Variants in NECAB2 observed in about 807,000 individuals in gnomAD.
NECAB2 encodes the protein N-terminal EF-hand calcium binding protein 2, also known as N-terminal EF-hand calcium-binding protein 2.
Under a neutral mutation model 51.9 loss-of-function variants are expected in NECAB2, and 68 were observed. The observed-to-expected ratio is 1.31, with a 90% CI of 1.08 to 1.60. The LOEUF (loss-of-function observed/expected upper bound fraction) is 1.60. Among genes scored for constraint, NECAB2 ranks in the 40% most tolerant of loss-of-function variants. The probability of loss-of-function intolerance (pLI) is 0.00; values close to 1 mark genes in which losing one functional copy is unlikely to be tolerated. For synonymous variants in NECAB2, 329 were observed against 203.5 expected (o/e 1.62, Z -5.25); for missense variants, 854 against 490.3 (o/e 1.74, Z -7.00).
At chr16:83,965,648 C>T (rs200403572), upstream of NECAB2, 49 of 1,613,258 alleles carry the variant, frequency 3.0e-5, no homozygotes, top group African/African-American at 6.7e-5. Flanking sequence ...TGAGGGTTAC[C>T]GCAGCCTCCC....
intron 1 of NECAB2, among the ~76,000 whole-genome samples, chr16:83,970,067 A>C (rs745965442): frequency 1.6e-4 from 25 of 152,170 alleles, no homozygotes; most frequent in African/African-American, 6.0e-4. Flanking sequence ...TCCCCTCCTC[A>C]GGACCCCCGC....
chr16:83,987,321 C>G (rs757129237), intron 5 of NECAB2, among the ~76,000 whole-genome samples: 7 of 152,292 alleles, frequency 4.6e-5, no homozygotes, highest in East Asian at 1.9e-4. Flanking sequence ...TAGCTAATTT[C>G]TCATACTAAA....
chr16:83,988,127 G>A (rs868564670), intron 5 of NECAB2, among the ~76,000 whole-genome samples: 5 of 152,176 alleles, frequency 3.3e-5, no homozygotes, highest in South Asian at 2.1e-4. Flanking sequence ...GTTTAGGTGC[G>A]CTTCTGATGG....
chr16:83,998,787 C>T (rs1027390478), intron 10 of NECAB2, among the ~76,000 whole-genome samples: 16 of 137,556 alleles, frequency 1.2e-4, no homozygotes, highest in African/African-American at 4.9e-4. Context: ...ATGCCCAAGT[C>T]ATGTAGTTGC....
intron 5 of NECAB2, among the ~76,000 whole-genome samples, chr16:83,984,711 C>G (rs1467163527): frequency 1.3e-5 from 2 of 152,078 alleles, no homozygotes; most frequent in Admixed American, 6.5e-5. Flanking sequence ...ACCTGGGTGA[C>G]AAGAGAAACC....
chr16:83,996,537 C>T (rs1597223590), intron 8 of NECAB2, among the ~76,000 whole-genome samples: 1 of 152,096 alleles, frequency 6.6e-6, no homozygotes, highest in African/African-American at 2.4e-5. Flanking sequence ...CAGAGATAGC[C>T]ACAGAGGTGG....
At chr16:83,978,617 T>C in intron 3 of NECAB2, 65 bp downstream of exon 3, 1 of 1,372,718 alleles carries the variant, frequency 7.3e-7, no homozygotes, top group Non-Finnish European at 1.0e-6. Flanking sequence ...CATCTTTTCA[T>C]CTAGTGTCCG....
intron 1 of NECAB2, 117 bp downstream of exon 1, chr16:83,968,966 A>T (rs2084319839): frequency 1.7e-6 from 1 of 586,182 alleles, no homozygotes; most frequent in African/African-American, 2.0e-5. Flanking sequence ...CCCGGGCAGG[A>T]GACCCCCGGC....
chr16:83,993,455 G>A (rs909348417), intron 6 of NECAB2: 1 of 154,154 alleles, frequency 6.5e-6, no homozygotes, highest in South Asian at 2.0e-4. Context: ...GAGACCAAGC[G>A]GGTGTTGGGG....
rs975200233 is a variant in NECAB2, at chr16:84,002,623, A to C, written c.*277A>C. On this transcript the variant is annotated 3_prime_UTR_variant, in exon 13 of 13. Coordinates refer to ENST00000305202, the MANE Select transcript of NECAB2 (RefSeq NM_019065.3). Reference sequence around the variant, plus strand: ...GCCTCCTGGTCCTGGCCTCTCCCCTACCCCTCACATGGCCACGCATGACCC... The same window carrying C: ...GCCTCCTGGTCCTGGCCTCTCCCCTCCCCCTCACATGGCCACGCATGACCC... 34 of 542,142 alleles carry C rather than the reference A, an allele frequency of 6.3e-5. No homozygotes were observed. The highest frequency in any genetic ancestry group is 1.2e-4 in the Admixed American group (4 of 32,042). 33.6% of individuals were successfully genotyped at this position (542,142 alleles called of 1,614,324 possible).
chr16:83,996,351 C>A (rs1597223198), intron 8 of NECAB2, among the ~76,000 whole-genome samples: 1 of 152,238 alleles, frequency 6.6e-6, no homozygotes, highest in Admixed American at 6.5e-5. Context: ...GGATCAGCTA[C>A]TACAGAGCCC....
intron 3 of NECAB2, among the ~76,000 whole-genome samples, chr16:83,979,763 C>G (rs2084460775): frequency 6.6e-6 from 1 of 151,070 alleles, no homozygotes; most frequent in African/African-American, 2.4e-5. Context: ...GGTGGGGGTG[C>G]AGGGAGGACT....
At chr16:83,988,258 T>G (rs1278012007) in intron 5 of NECAB2, among the ~76,000 whole-genome samples, 1 of 152,208 alleles carries the variant, frequency 6.6e-6, no homozygotes, top group Non-Finnish European at 1.5e-5. Context: ...TTTTATGCTT[T>G]CTTCATCTCT....
intron 5 of NECAB2, among the ~76,000 whole-genome samples, chr16:83,983,385 C>A (rs139299435): frequency 6.6e-6 from 1 of 152,144 alleles, no homozygotes; most frequent in East Asian, 1.9e-4. Flanking sequence ...TGGTGGGGCA[C>A]GGCCAGGCAT....
chr16:83,977,318 CA>C, intron 2 of NECAB2, among the ~76,000 whole-genome samples: 1 of 152,108 alleles, frequency 6.6e-6, no homozygotes, highest in African/African-American at 2.4e-5. Context: ...GAGGTGGCTG[CA>C]GGGCAGGTGG....
intron 11 of NECAB2, 79 bp downstream of exon 11, chr16:84,000,880 T>G (rs2084817576): frequency 1.4e-6 from 2 of 1,433,940 alleles, no homozygotes; most frequent in Non-Finnish European, 2.0e-6. Flanking sequence ...CAGGCATCCT[T>G]GGAGGGGAGG....
chr16:83,972,007 A>AG lies in NECAB2; in HGVS notation c.202-139dup, dbSNP rs147404697. Reference sequence around the variant, plus strand: ...GTTCCCCCTGGATCCCAGCCCGGGGAGGGGGAGAGGGAAGGGGGGCTCAGC... The same window carrying AG: ...GTTCCCCCTGGATCCCAGCCCGGGGAGGGGGGAGAGGGAAGGGGGGCTCAGC... On this transcript the variant is annotated intron_variant, in intron 1 of 12. Coordinates refer to ENST00000305202, the MANE Select transcript of NECAB2 (RefSeq NM_019065.3). The AG allele has an allele frequency of 2.2e-3, 2,336 of 1,067,766 alleles. 64 individuals are homozygous for AG. In the East Asian group the frequency reaches 0.049, roughly 22 times the overall value. The allele number at this position is 1,067,766 out of a possible 1,614,324, so 66.1% of individuals were successfully genotyped here.
chr16:83,987,232 C>CT (rs1567671235), intron 5 of NECAB2, among the ~76,000 whole-genome samples: 1 of 152,170 alleles, frequency 6.6e-6, no homozygotes, highest in Non-Finnish European at 1.5e-5. Context: ...ATTTCAGAGA[C>CT]TTTGACTATT....
chr16:83,965,406 T>G (rs1354727525), upstream of NECAB2: 1 of 1,576,604 alleles, frequency 6.3e-7, no homozygotes, highest in African/African-American at 1.3e-5. Context: ...GCCACAAGGG[T>G]GGGTGCGGTG....
Sources: gnomAD v4.1 joint callset for allele counts (sites outside exome capture counted in the v4.1 genomes callset) on GRCh38, gnomAD v4.1.1 for gene constraint, MANE v1.5 for transcripts, NCBI Gene and HGNC (gene_info 2026-07-23, HGNC 2026-07-21) for gene names.